ATP8B4: variants seen among roughly 807,000 people sequenced by gnomAD.
ATP8B4 encodes the protein ATPase phospholipid transporting 8B4 (putative).
ATP8B4 carries 133 observed loss-of-function variants against 145.6 expected under a neutral mutation model. That is an observed-to-expected ratio of 0.91 (90% CI 0.79 to 1.05). The LOEUF is 1.05. Among genes scored for constraint, ATP8B4 ranks in the 50% least tolerant of loss-of-function variants. The probability of loss-of-function intolerance (pLI) is 0.00; values close to 1 mark genes in which losing one functional copy is unlikely to be tolerated. For synonymous variants in ATP8B4, 507 were observed against 492.9 expected, an observed-to-expected ratio of 1.03 and a Z score of -0.38; for missense variants, 1,458 against 1,425.2, an observed-to-expected ratio of 1.02 and a Z score of -0.37.
chr15:50,126,108 G>A (rs1397061963), intron 1 of ATP8B4, among the ~76,000 whole-genome samples: 1 of 152,098 alleles, frequency 6.6e-6, no homozygotes, highest in Non-Finnish European at 1.5e-5. Context: ...GGAACTACAG[G>A]AGAGGGGAAG....
intron 1 of ATP8B4, among the ~76,000 whole-genome samples, chr15:50,173,024 A>AGGTGGGGGCAGCCCCCG (rs1567418758): frequency 3.7e-5 from 5 of 136,840 alleles, no homozygotes; most frequent in African/African-American, 1.5e-4. Context: ...GGCAGCCCCC[A>AGGTGGGGGCAGCCCCCG]TCCGGGAGGT....
chr15:50,039,204 G>A (rs1447430007), intron 5 of ATP8B4, among the ~76,000 whole-genome samples: 1 of 152,196 alleles, frequency 6.6e-6, no homozygotes, highest in African/African-American at 2.4e-5. Context: ...CATGTGTACT[G>A]AATGCTTTAT....
chr15:50,002,067 C>G, intron 8 of ATP8B4, 86 bp downstream of exon 8: 1 of 1,128,574 alleles, frequency 8.9e-7, no homozygotes. Flanking sequence ...CAAGAAGATA[C>G]TGAACAAGGT....
intron 14 of ATP8B4, among the ~76,000 whole-genome samples, chr15:49,937,849 T>A (rs2041860524): frequency 1.3e-5 from 2 of 152,156 alleles, no homozygotes; most frequent in South Asian, 4.1e-4. Context: ...AGTGAACATT[T>A]ATTCATCAAA....
At chr15:50,111,682 C>T (rs934326779) in intron 1 of ATP8B4, among the ~76,000 whole-genome samples, 2 of 152,178 alleles carry the variant, frequency 1.3e-5, no homozygotes, top group Non-Finnish European at 2.9e-5. Context: ...GAATCTGGGG[C>T]AAATAAGCTC....
At chr15:49,886,998 C>T (rs768899885) in intron 23 of ATP8B4, among the ~76,000 whole-genome samples, 22 of 152,038 alleles carry the variant, frequency 1.4e-4, no homozygotes, top group East Asian at 1.9e-4. Flanking sequence ...TTAGTATAGA[C>T]GGGGTTTTGC....
At chr15:50,150,864 A>G (rs975102875) in intron 1 of ATP8B4, among the ~76,000 whole-genome samples, 1 of 152,264 alleles carries the variant, frequency 6.6e-6, no homozygotes, top group African/African-American at 2.4e-5. Context: ...AAGACAACCA[A>G]TTGAATAAAT....
At chr15:50,144,907 T>C (rs2044257606) in intron 1 of ATP8B4, among the ~76,000 whole-genome samples, 2 of 152,230 alleles carry the variant, frequency 1.3e-5, no homozygotes, top group Non-Finnish European at 2.9e-5. Flanking sequence ...TCCTGCCCTC[T>C]ACACTTATGG....
intron 9 of ATP8B4, 116 bp from the exon 10 acceptor site, chr15:49,987,665 T>C: frequency 9.4e-7 from 1 of 1,063,374 alleles, no homozygotes; most frequent in Non-Finnish European, 1.3e-6. Context: ...TGGGGTTACA[T>C]ATAAAGAATT....
intron 1 of ATP8B4, among the ~76,000 whole-genome samples, chr15:50,151,274 GAA>G (rs1399086568): frequency 2.0e-5 from 3 of 152,110 alleles, no homozygotes; most frequent in Admixed American, 6.5e-5. Flanking sequence ...CTTTTCTTTA[GAA>G]ACATAACTTT....
intron 1 of ATP8B4, among the ~76,000 whole-genome samples, chr15:50,112,671 A>T (rs2057004071): frequency 6.6e-6 from 1 of 151,968 alleles, no homozygotes; most frequent in African/African-American, 2.4e-5. Flanking sequence ...CTGAGACTCA[A>T]TCTCCACATC....
chr15:50,084,666 T>C (rs2054777623), intron 2 of ATP8B4, among the ~76,000 whole-genome samples: 1 of 152,172 alleles, frequency 6.6e-6, no homozygotes, highest in South Asian at 2.1e-4. Flanking sequence ...AAAAAGGTCT[T>C]ACAGGGCTAA....
At chr15:50,094,505 T>C (rs920986669) in intron 2 of ATP8B4, among the ~76,000 whole-genome samples, 9 of 151,204 alleles carry the variant, frequency 6.0e-5, no homozygotes, top group African/African-American at 2.2e-4. Flanking sequence ...AATGCATACA[T>C]ATATCCATAT....
At chr15:50,118,202 ATAGC>A (rs1371816481) in intron 1 of ATP8B4, among the ~76,000 whole-genome samples, 1 of 152,216 alleles carries the variant, frequency 6.6e-6, no homozygotes, top group Non-Finnish European at 1.5e-5. Context: ...GTATCTCAAA[ATAGC>A]TAGCAGATTT....
In ATP8B4 at chr15:49,996,732, T is replaced by C; in HGVS notation, c.534A>G (p.Ala178=). ...DGETNLKVRH[A]LSVTSELGAD... ...CTCCAAGTTCTGAAGTAACTGATAG[T>C]GCATGGCGGACTTTTAGGTTCGTTT... The change falls in exon 9 of 28, where the codon GCA becomes GCG. Residue 178 remains alanine, a synonymous_variant. Coordinates refer to ENST00000284509, the MANE Select transcript of ATP8B4 (RefSeq NM_024837.4). 2 of 1,610,742 alleles carry C rather than the reference T, an allele frequency of 1.2e-6. No individual in the cohort carries two copies. Among genetic ancestry groups the C allele is most frequent in the Non-Finnish European group, 1.7e-6 (2 of 1,177,642 alleles).
At chr15:50,048,406 C>T (rs1378864642) in intron 3 of ATP8B4, among the ~76,000 whole-genome samples, 2 of 152,076 alleles carry the variant, frequency 1.3e-5, no homozygotes, top group Non-Finnish European at 2.9e-5. Flanking sequence ...TAGCTACATG[C>T]TAATAAGAAG....
chr15:49,901,462 C>A (rs561951921), intron 20 of ATP8B4, among the ~76,000 whole-genome samples: 1 of 152,200 alleles, frequency 6.6e-6, no homozygotes, highest in African/African-American at 2.4e-5. Flanking sequence ...AATGAAAATA[C>A]AATATCTTGA....
chr15:49,944,302 C>A, intron 14 of ATP8B4, among the ~76,000 whole-genome samples: 1 of 151,900 alleles, frequency 6.6e-6, no homozygotes, highest in East Asian at 1.9e-4. Context: ...AATCATCACC[C>A]AACTATATGC....
upstream of ATP8B4, among the ~76,000 whole-genome samples, chr15:50,120,051 T>C (rs1426483046): frequency 6.6e-6 from 1 of 152,176 alleles, no homozygotes; most frequent in Non-Finnish European, 1.5e-5. Flanking sequence ...AGGAAAAATA[T>C]GGCTTCTTTT....
Sources: allele counts gnomAD v4.1 joint callset (sites outside exome capture counted in the v4.1 genomes callset), GRCh38; gene constraint gnomAD v4.1.1; transcripts MANE v1.5; gene names NCBI Gene and HGNC (gene_info 2026-07-23, HGNC 2026-07-21).